The following TNS4 variants were observed in gnomAD, a reference collection of about 807,000 sequenced individuals.
The protein encoded by TNS4 is tensin 4.
TNS4 carries 46 observed loss-of-function variants against 70.4 expected under a neutral mutation model. The observed-to-expected ratio is 0.65, with a 90% CI of 0.52 to 0.84. The LOEUF is 0.84. Ranked by LOEUF, TNS4 falls within the 40% of genes least tolerant of loss-of-function variation. The pLI, the probability that TNS4 is intolerant of heterozygous loss-of-function variation, is 0.00. For synonymous variants in TNS4, 390 were observed against 366.6 expected, an observed-to-expected ratio of 1.06 and a Z score of -0.73; for missense variants, 863 against 907.0, an observed-to-expected ratio of 0.95 and a Z score of 0.62.
intron 9 of TNS4, 42 bp downstream of exon 9, chr17:40,480,658 G>A: frequency 2.7e-6 from 4 of 1,477,642 alleles, no homozygotes; most frequent in Non-Finnish European, 3.6e-6. Flanking sequence ...TGCCCTCTTG[G>A]GGCACAGCCA....
Position 40,488,956 on chromosome 17 carries a change from G to C in TNS4, c.453C>G (p.Ile151Met). The C allele has an allele frequency of 6.3e-7, 1 of 1,583,666 alleles. No homozygotes were observed. The highest frequency in any genetic ancestry group is 8.6e-7 in the Non-Finnish European group (1 of 1,167,798). Reference protein sequence around the residue: ...EESEALDIKYIEVTSARSRCH... With the variant: ...EESEALDIKYMEVTSARSRCH... ...ACCTTGATCTGGCGGAGGTCACCTC[G>C]ATGTACTTTATGTCTTTGGGGGAGA... is the stretch of plus-strand genomic sequence containing the variant. The change falls in exon 3 of 13, where the codon ATC becomes ATG. Residue 151 changes from isoleucine to methionine, a missense_variant. Physicochemically the swap from Ile to Met is conservative, Grantham distance 10 (BLOSUM62 1). Coordinates refer to ENST00000254051, the MANE Select transcript of TNS4 (RefSeq NM_032865.6).
chr17:40,483,743 G>C (rs1307890437), intron 6 of TNS4, among the ~76,000 whole-genome samples: 1 of 152,168 alleles, frequency 6.6e-6, no homozygotes, highest in East Asian at 1.9e-4. Context: ...GTGACAGTGA[G>C]GCATACTGTC....
At position 40,482,345 on chromosome 17, in the gene TNS4, C is replaced by T. The variant is rs1282582392; in HGVS notation, c.1573G>A (p.Ala525Thr). ...TCACCAAAGTAGGGCTCCTCATCTG[C>T]TCCTTTGAGATGCACTCCTTTGGCA... ...SSAKGVHLKG[A>T]DEEPYFGSLS... The change falls in exon 7 of 13, where the codon GCA (alanine) becomes ACA (threonine). Residue 525 changes from alanine (A) to threonine (T), a missense_variant. Coordinates refer to ENST00000254051, the MANE Select transcript of TNS4 (RefSeq NM_032865.6). 2 of 1,614,044 alleles carry T rather than the reference C, an allele frequency of 1.2e-6. No homozygotes were observed. Among genetic ancestry groups the T allele is most frequent in the African/African-American group, 1.3e-5 (1 of 74,922 alleles).
intron 2 of TNS4, among the ~76,000 whole-genome samples, chr17:40,493,891 C>T (rs908553814): frequency 6.6e-6 from 1 of 152,286 alleles, no homozygotes; most frequent in Non-Finnish European, 1.5e-5. Context: ...GAAATCCAGT[C>T]CTGGGGCATG....
chr17:40,487,523 G>T, intron 3 of TNS4, 63 bp from the exon 4 acceptor site: 1 of 1,526,174 alleles, frequency 6.6e-7, no homozygotes. Flanking sequence ...CTAGAGTCAG[G>T]CTCCGGATCT....
intron 10 of TNS4, among the ~76,000 whole-genome samples, chr17:40,478,934 C>T (rs566425350): frequency 1.3e-5 from 2 of 152,238 alleles, no homozygotes; most frequent in East Asian, 1.9e-4. Flanking sequence ...TTTGAGGACA[C>T]GAATTACATC....
At position 40,500,743 on chromosome 17, in the gene TNS4, G is replaced by A. The variant is rs897067701; in HGVS notation, c.-96+791C>T. Among the ~76,000 whole-genome samples the A allele has an allele frequency of 3.9e-5, 6 of 152,148 alleles. No individual in the cohort carries two copies. In the East Asian group the frequency reaches 1.2e-3, roughly 29 times the overall value. ...TCCCCCAAAGCACTTTGCCTCATTAGCCCAATCTCCACTGCACCCCCTATT... is the reference window on the plus strand; with the variant it reads ...TCCCCCAAAGCACTTTGCCTCATTAACCCAATCTCCACTGCACCCCCTATT... On this transcript the variant is annotated intron_variant, in intron 1 of 12. Transcript: ENST00000254051.
At chr17:40,485,819 C>T (rs1196875620) in intron 4 of TNS4, among the ~76,000 whole-genome samples, 1 of 152,238 alleles carries the variant, frequency 6.6e-6, no homozygotes, top group Non-Finnish European at 1.5e-5. Flanking sequence ...GTTGTGACCA[C>T]TTACTCTCAA....
chr17:40,495,897 G>C, intron 2 of TNS4, 90 bp downstream of exon 2: 1 of 1,417,570 alleles, frequency 7.1e-7, no homozygotes, highest in South Asian at 1.4e-5. Context: ...CAACAGGACA[G>C]GGTCCCCTTC....
At chr17:40,485,836 C>A (rs925936087) in intron 4 of TNS4, among the ~76,000 whole-genome samples, 19 of 152,172 alleles carry the variant, frequency 1.2e-4, no homozygotes. Context: ...TCAAGTAACT[C>A]ATTCAAAAAA....
chr17:40,495,955 C>G, intron 2 of TNS4, 32 bp downstream of exon 2: 1 of 1,570,348 alleles, frequency 6.4e-7, no homozygotes, highest in South Asian at 1.2e-5. Flanking sequence ...GGCACCAAGC[C>G]CCCCTCCTGG....
chr17:40,494,543 C>T (rs1350677298), intron 2 of TNS4, among the ~76,000 whole-genome samples: 1 of 152,106 alleles, frequency 6.6e-6, no homozygotes, highest in Non-Finnish European at 1.5e-5. Context: ...ACCAGCCTGG[C>T]CAACATGGTG....
intron 5 of TNS4, 75 bp from the exon 6 acceptor site, chr17:40,484,684 C>G (rs1012958821): frequency 6.3e-7 from 1 of 1,585,098 alleles, no homozygotes; most frequent in African/African-American, 1.3e-5. Context: ...AGGGTCTTCA[C>G]AGAGCAGATG....
intron 1 of TNS4, among the ~76,000 whole-genome samples, chr17:40,500,572 C>T (rs1567816572): frequency 6.6e-6 from 1 of 152,166 alleles, no homozygotes. Context: ...AGATCTCTTT[C>T]TTTGTTCCCA....
intron 2 of TNS4, among the ~76,000 whole-genome samples, chr17:40,495,297 T>C (rs369441727): frequency 6.6e-6 from 1 of 152,188 alleles, no homozygotes; most frequent in East Asian, 1.9e-4. Context: ...GTGGCAATGC[T>C]GTGTGACAGC....
chr17:40,487,462 T>C lies in TNS4; in HGVS notation c.864-2A>G. The C allele has an allele frequency of 1.3e-6, 2 of 1,598,614 alleles. No homozygotes were observed. The highest frequency in any genetic ancestry group is 1.1e-5 in the South Asian group (1 of 89,284). ...CTGGAGTGCAGGAGGGACTGGCTGC[T>C]GCAGCGGGAGAGAGTCAGACAGGGT... is the stretch of plus-strand genomic sequence containing the variant. On this transcript the variant is annotated splice_acceptor_variant, in intron 3 of 12. Coordinates refer to ENST00000254051, the MANE Select transcript of TNS4 (RefSeq NM_032865.6). LOFTEE classifies it high-confidence loss of function.
Position 40,478,328 on chromosome 17 carries a change from T to G in TNS4, c.1985A>C (p.Gln662Pro). 6.2e-7 allele frequency: 1 copy of G among 1,610,100 alleles called. No individual in the cohort carries two copies. The highest frequency in any genetic ancestry group is 8.5e-7 in the Non-Finnish European group (1 of 1,178,844). ...CGMDPEQRKW[Q>P]KYCKPSWIFG... The stretch of plus-strand genomic sequence containing the variant: ...TTACCAGGAGGGTTTGCAGTACTTC[T>G]GCCACCTGTAGGAAAAGAACATGAT... Residue 662 changes from glutamine to proline, a missense_variant, in exon 12 of 13, where the codon CAG becomes CCG. Physicochemically the swap from Gln to Pro is moderately conservative, Grantham distance 76 (BLOSUM62 -1). Coordinates refer to ENST00000254051, the MANE Select transcript of TNS4 (RefSeq NM_032865.6).
In TNS4 at chr17:40,479,824, A is replaced by T. The variant is rs2035898247; in HGVS notation, c.1760T>A (p.Leu587Gln). ...KKSAGCHTLY[L>Q]SSVSVETLTG... Reference sequence around the variant, plus strand: ...CAGGGTCTCCACGCTCACTGAGCTCAGGTACAGGGTGTGGCAGCCTGTGGG... The same window carrying T: ...CAGGGTCTCCACGCTCACTGAGCTCTGGTACAGGGTGTGGCAGCCTGTGGG... Residue 587 changes from leucine to glutamine, a missense_variant, in exon 10 of 13, where the codon CTG (leucine) becomes CAG (glutamine). Leu to Gln is a moderately radical substitution (Grantham distance 113, BLOSUM62 -2). Transcript: ENST00000254051. 1 of 1,612,722 alleles carries T rather than the reference A, an allele frequency of 6.2e-7. No individual in the cohort carries two copies. The highest frequency in any genetic ancestry group is 8.5e-7 in the Non-Finnish European group (1 of 1,179,562).
chr17:40,495,243 T>A (rs1597700663), intron 2 of TNS4, among the ~76,000 whole-genome samples: 1 of 152,312 alleles, frequency 6.6e-6, no homozygotes. Flanking sequence ...CTCCATACTA[T>A]TATCTGTGCT....
Sources: allele counts gnomAD v4.1 joint callset (sites outside exome capture counted in the v4.1 genomes callset), GRCh38; gene constraint gnomAD v4.1.1; transcripts MANE v1.5; gene names NCBI Gene and HGNC (gene_info 2026-07-23, HGNC 2026-07-21).